Variants in C11orf65 observed in about 807,000 individuals in gnomAD.
The protein encoded by C11orf65 is chromosome 11 open reading frame 65.
C11orf65 carries 38 observed loss-of-function variants against 35.3 expected under a neutral mutation model. The ratio of observed to expected loss-of-function variants is 1.08; its 90% CI spans 0.83 to 1.41. C11orf65 has a LOEUF of 1.41. Ranked by LOEUF, C11orf65 falls within the 40% of genes most tolerant of loss-of-function variation. The probability of loss-of-function intolerance (pLI) is 0.00; values close to 1 mark genes in which losing one functional copy is unlikely to be tolerated. For missense variants in C11orf65, 370 were observed against 367.1 expected, an observed-to-expected ratio of 1.01 and a Z score of -0.06; for synonymous variants, 105 against 114.4, an observed-to-expected ratio of 0.92 and a Z score of 0.53.
Position 108,406,801 on chromosome 11 carries a change from G to A in C11orf65, c.391C>T (p.Arg131Cys), listed in dbSNP as rs557228130. ...GGCCTCCAGCCATTGTTTTCTATAC[G>A]ATGATACCAGCCACTATGATCCTCT... ...QEEDHSGWYHRIENNGWRPVS... is the reference protein window; with the variant it reads ...QEEDHSGWYHCIENNGWRPVS... Residue 131 changes from arginine (R) to cysteine (C), a missense_variant, in exon 5 of 9, where the codon CGT becomes TGT. Arg to Cys is a radical substitution (Grantham distance 180, BLOSUM62 -3). Transcript: ENST00000393084. 18 of 1,611,464 alleles carry A rather than the reference G, an allele frequency of 1.1e-5. No individual in the cohort carries two copies. Among genetic ancestry groups the A allele is most frequent in the Middle Eastern group, 1.7e-4 (1 of 5,748 alleles).
At position 108,323,168 on chromosome 11, in the gene C11orf65, A is replaced by G. The variant is rs2085354700; in HGVS notation, c.641-14097T>C. ...AAGGAAATTTTAGAGTCAGAAGAAA[A>G]TAATAATAGTTTTTTCAAAATGACA... On this transcript the variant is annotated intron_variant, in intron 6 of 6. Transcript: ENST00000525729. Among the ~76,000 whole-genome samples, 4 of 152,212 alleles carry G rather than the reference A, an allele frequency of 2.6e-5. No homozygotes were observed. In the South Asian group the frequency reaches 6.2e-4, roughly 24 times the overall value.
intron 2 of C11orf65, among the ~76,000 whole-genome samples, chr11:108,350,388 TG>T (rs1813772550): frequency 6.6e-6 from 1 of 152,136 alleles, no homozygotes; most frequent in Non-Finnish European, 1.5e-5. Context: ...ATTTGAAGAC[TG>T]TTTAGTAAGA....
At chr11:108,343,077 T>A in intron 2 of C11orf65, 1 of 1,052,732 alleles carries the variant, frequency 9.5e-7, no homozygotes, top group Non-Finnish European at 1.4e-6. Flanking sequence ...ATTGGTTTCC[T>A]CCAAGGAGCT....
intron 2 of C11orf65, among the ~76,000 whole-genome samples, chr11:108,454,302 C>CTTT (rs35688885): frequency 7.2e-6 from 1 of 137,998 alleles, no homozygotes; most frequent in Non-Finnish European, 1.6e-5. Context: ...TTTGAGTCTT[C>CTTT]TTTTTTTTTT....
At chr11:108,435,109 T>C (rs2135454805) in intron 2 of C11orf65, among the ~76,000 whole-genome samples, 1 of 152,304 alleles carries the variant, frequency 6.6e-6, no homozygotes, top group East Asian at 1.9e-4. Flanking sequence ...GGGAATTAAG[T>C]GGTAGAAATG....
rs2084768549 is a variant in C11orf65 at position 108,317,348 on chromosome 11, T to TA, written c.641-8278dup. On this transcript the variant is annotated intron_variant, in intron 6 of 6. Coordinates refer to the C11orf65 transcript ENST00000525729. ...TGTTGATATCTTTGATTACTTAACTTAAAAACAAAATAACTCCTGTTTAGG... is the reference window on the plus strand; with the variant it reads ...TGTTGATATCTTTGATTACTTAACTTAAAAAACAAAATAACTCCTGTTTAGG... The TA allele has an allele frequency of 2.5e-6, 4 of 1,605,632 alleles. No individual in the cohort carries two copies. The highest frequency in any genetic ancestry group is 3.4e-6 in the Non-Finnish European group (4 of 1,174,476).
At chr11:108,455,529 A>T (rs1023383770) in intron 2 of C11orf65, among the ~76,000 whole-genome samples, 1 of 152,158 alleles carries the variant, frequency 6.6e-6, no homozygotes, top group African/African-American at 2.4e-5. Context: ...ATAAAAAAGC[A>T]ATTAGAGGCC....
chr11:108,346,038 C>A lies in C11orf65; in HGVS notation c.227-10746G>T, dbSNP rs970363487. On this transcript the variant is annotated intron_variant, in intron 2 of 3. Coordinates refer to the C11orf65 transcript ENST00000524755. ...TAGTGATGATGTGGTTAGTAACCAA[C>A]CCATCTTCATTATTAAATCATATGT... is the stretch of plus-strand genomic sequence containing the variant. 1.3e-4 allele frequency: 129 copies of A among 967,458 alleles called. 1 individual carries two copies. Among genetic ancestry groups the A allele is most frequent in the African/African-American group, 1.8e-4 (11 of 61,472 alleles). The allele number at this position is 967,458 out of a possible 1,614,324, so 59.9% of individuals were successfully genotyped here. A position where few individuals can be genotyped will look rare whatever the true frequency, so the allele number is the denominator to read the frequency against.
intron 2 of C11orf65, chr11:108,367,955 G>T: frequency 4.9e-6 from 1 of 204,974 alleles, no homozygotes; most frequent in Non-Finnish European, 1.0e-5. Context: ...AAATCTTCAT[G>T]GGTGAAATTA....
chr11:108,381,625 A>G (rs1372218887), downstream of C11orf65, among the ~76,000 whole-genome samples: 1 of 151,840 alleles, frequency 6.6e-6, no homozygotes, highest in African/African-American at 2.4e-5. Context: ...TCTAATTTCT[A>G]ATTCTCTAAT....
intron 2 of C11orf65, among the ~76,000 whole-genome samples, chr11:108,351,343 G>A (rs2089179203): frequency 6.6e-6 from 1 of 152,230 alleles, no homozygotes; most frequent in Non-Finnish European, 1.5e-5. Flanking sequence ...AGAAATCCCA[G>A]TGAGTCACAC....
intron 2 of C11orf65, chr11:108,353,654 C>A: frequency 1.2e-6 from 1 of 840,708 alleles, no homozygotes; most frequent in Non-Finnish European, 2.0e-6. Context: ...TACTAGTGTT[C>A]ATAGAACGTA....
chr11:108,461,671 A>G, intron 1 of C11orf65, 103 bp from the exon 2 acceptor site: 1 of 742,356 alleles, frequency 1.3e-6, no homozygotes, highest in Non-Finnish European at 2.1e-6. Flanking sequence ...TCTGTCACCC[A>G]AGCTGGAGTG....
intron 2 of C11orf65, among the ~76,000 whole-genome samples, chr11:108,363,022 T>C (rs2090971984): frequency 6.6e-6 from 1 of 152,170 alleles, no homozygotes; most frequent in Admixed American, 6.5e-5. Flanking sequence ...GCTTTGTGTA[T>C]TTTACACTCA....
chr11:108,357,755 TAACA>T (rs2090185182), intron 2 of C11orf65, among the ~76,000 whole-genome samples: 1 of 151,994 alleles, frequency 6.6e-6, no homozygotes, highest in Non-Finnish European at 1.5e-5. Flanking sequence ...GAAGGAAAAC[TAACA>T]AACAGAAAGG....
chr11:108,424,136 G>A (rs1369390312), intron 3 of C11orf65, among the ~76,000 whole-genome samples: 12 of 152,182 alleles, frequency 7.9e-5, no homozygotes, highest in Admixed American at 7.9e-4. Context: ...TCTAGCCCAT[G>A]TAAGGAAGCT....
At chr11:108,340,835 T>C (rs889099293) in intron 2 of C11orf65, among the ~76,000 whole-genome samples, 1 of 152,204 alleles carries the variant, frequency 6.6e-6, no homozygotes, top group Non-Finnish European at 1.5e-5. Context: ...GTAAATCATC[T>C]CTGGGTTACT....
intron 2 of C11orf65, chr11:108,364,966 C>G: frequency 8.6e-7 from 1 of 1,168,844 alleles, no homozygotes; most frequent in Non-Finnish European, 1.2e-6. Context: ...TGTTTGTTCC[C>G]CTCCCCCATC....
chr11:108,344,269 GAT>G (rs555970334), intron 2 of C11orf65, among the ~76,000 whole-genome samples: 97 of 152,278 alleles, frequency 6.4e-4, no homozygotes, highest in African/African-American at 2.2e-3. Context: ...GACAGAAGTA[GAT>G]CCAAGAAATG....
Sources: allele counts gnomAD v4.1 joint callset (sites outside exome capture counted in the v4.1 genomes callset), GRCh38; gene constraint gnomAD v4.1.1; transcripts MANE v1.5; gene names NCBI Gene and HGNC (gene_info 2026-07-23, HGNC 2026-07-21).